Variants in BTBD10 observed in about 807,000 individuals in gnomAD.
The protein encoded by BTBD10 is BTB domain containing 10, also known as BTB/POZ domain-containing protein 10.
A neutral mutation model predicts 53.2 loss-of-function variants in BTBD10; 21 were observed. The ratio of observed to expected loss-of-function variants is 0.39; its 90% confidence interval spans 0.28 to 0.57. The LOEUF (loss-of-function observed/expected upper bound fraction) is 0.57, where lower values mean the gene tolerates loss of function less well. Among genes scored for constraint, BTBD10 ranks in the 20% least tolerant of loss-of-function variants. The pLI is 0.53. For missense variants in BTBD10, 360 were observed against 594.7 expected (o/e 0.61, Z 4.10); for synonymous variants, 149 against 192.7 (o/e 0.77, Z 1.88).
At chr11:13,406,649 G>A (rs889957909) in intron 6 of BTBD10, among the ~76,000 whole-genome samples, 2 of 150,904 alleles carry the variant, frequency 1.3e-5, no homozygotes, top group African/African-American at 4.9e-5. Flanking sequence ...GTTTGTGTGT[G>A]TGTGTTGTAA....
At chr11:13,389,188 T>C (rs748571680) in intron 8 of BTBD10, 47 bp from the exon 9 acceptor site, 1 of 1,518,026 alleles carries the variant, frequency 6.6e-7, no homozygotes, top group African/African-American at 1.4e-5. Flanking sequence ...CACACAGACC[T>C]CTCACCCAAT....
chr11:13,408,529 C>T lies in BTBD10; in HGVS notation c.809-2673G>A, dbSNP rs114081482. Among the ~76,000 whole-genome samples the T allele has an allele frequency of 6.8e-3, 1,035 of 152,308 alleles. 17 individuals carry two copies. The highest frequency in any genetic ancestry group is 0.024 in the African/African-American group (987 of 41,560). On this transcript the variant is annotated intron_variant, in intron 6 of 8. Coordinates refer to ENST00000278174, the MANE Select transcript of BTBD10 (RefSeq NM_032320.7). ...CCACATTTCTCTGCTGAACTTTAGA[C>T]ATGTATACCCAATGCTCCACTTAAC...
chr11:13,408,693 T>G (rs1312594729), intron 6 of BTBD10, among the ~76,000 whole-genome samples: 2 of 152,126 alleles, frequency 1.3e-5, no homozygotes, highest in Non-Finnish European at 2.9e-5. Flanking sequence ...TCCTCTTCTT[T>G]CCACTCCACA....
At chr11:13,426,903 T>C (rs935887855) in intron 2 of BTBD10, among the ~76,000 whole-genome samples, 2 of 152,188 alleles carry the variant, frequency 1.3e-5, no homozygotes, top group African/African-American at 4.8e-5. Context: ...TAAATACAGA[T>C]AGCCTTAGCC....
At chr11:13,440,865 A>G (rs1237772660) in intron 2 of BTBD10, among the ~76,000 whole-genome samples, 2 of 152,216 alleles carry the variant, frequency 1.3e-5, no homozygotes, top group Non-Finnish European at 2.9e-5. Context: ...ACCTTCTTAT[A>G]CAGAAAAAGT....
chr11:13,451,226 A>T (rs1176130359), intron 1 of BTBD10, among the ~76,000 whole-genome samples: 2 of 152,154 alleles, frequency 1.3e-5, no homozygotes, highest in Admixed American at 6.5e-5. Context: ...GACCATAGAG[A>T]ACTCTGCCCT....
Position 13,419,514 on chromosome 11 carries a change from C to T in BTBD10, c.530G>A (p.Arg177Lys). 1 of 1,613,958 alleles carries T rather than the reference C, an allele frequency of 6.2e-7. No homozygotes were observed. Among genetic ancestry groups the T allele is most frequent in the East Asian group, 2.2e-5 (1 of 44,882 alleles). ...AAAAATGGATGGGTCTACAACAAAT[C>T]TAGTGTTATCCACTATTAGTGTCAC... Reference protein sequence around the residue: ...ERVTLIVDNTRFVVDPSIFTA... With the variant: ...ERVTLIVDNTKFVVDPSIFTA... Residue 177 changes from arginine to lysine, a missense_variant, in exon 4 of 9, where the codon AGA becomes AAA. Arg to Lys is a conservative substitution (Grantham distance 26). This residue lies in a region of BTBD10 where 91 missense variants were observed against 171.7 expected (regional missense o/e 0.53). Coordinates refer to ENST00000278174, the MANE Select transcript of BTBD10 (RefSeq NM_032320.7).
chr11:13,427,218 A>AAT (rs1555025778), intron 2 of BTBD10, among the ~76,000 whole-genome samples: 1 of 151,434 alleles, frequency 6.6e-6, no homozygotes, highest in Non-Finnish European at 1.5e-5. Flanking sequence ...CCCTGTCTTA[A>AAT]AATAATAATA....
chr11:13,409,449 CAGAGT>C lies in BTBD10; in HGVS notation c.809-3598_809-3594del, dbSNP rs1284406559. Among the ~76,000 whole-genome samples the C allele has an allele frequency of 4.6e-5, 7 of 152,300 alleles. 1 individual carries two copies. The Middle Eastern group carries it at 0.01, about 222-fold the overall frequency. ...CCAAAACTTAGAACAGTGCTTAGTA[CAGAGT>C]AGAGTCATTAAATATTTGTTTAATT... is the stretch of plus-strand genomic sequence containing the variant. On this transcript the variant is annotated intron_variant, in intron 6 of 8. Coordinates refer to ENST00000278174, the MANE Select transcript of BTBD10 (RefSeq NM_032320.7).
chr11:13,405,375 A>G, intron 7 of BTBD10: 1 of 242,012 alleles, frequency 4.1e-6, no homozygotes, highest in Non-Finnish European at 7.9e-6. Context: ...AGAGTCAACA[A>G]ATAACTAACC....
At chr11:13,419,405 A>C (rs1017732288) in intron 4 of BTBD10, 55 bp downstream of exon 4, 7 of 1,566,538 alleles carry the variant, frequency 4.5e-6, no homozygotes, top group Admixed American at 2.0e-5. Context: ...CAAAAAAATA[A>C]TGGCAGTAAA....
chr11:13,441,313 C>CA (rs1331256330), intron 2 of BTBD10, among the ~76,000 whole-genome samples: 1 of 151,808 alleles, frequency 6.6e-6, no homozygotes, highest in African/African-American at 2.4e-5. Flanking sequence ...ATTCCCAACA[C>CA]AAAAAAAGAT....
intron 6 of BTBD10, among the ~76,000 whole-genome samples, chr11:13,409,530 T>C (rs1474778853): frequency 6.6e-6 from 1 of 152,162 alleles, no homozygotes; most frequent in Non-Finnish European, 1.5e-5. Context: ...TCACCACTCA[T>C]ATTCCATCCC....
rs181129817 is a variant in BTBD10 at position 13,420,528 on chromosome 11, C to T, written c.299-783G>A. On this transcript the variant is annotated intron_variant, in intron 3 of 8. Coordinates refer to ENST00000278174, the MANE Select transcript of BTBD10 (RefSeq NM_032320.7). ...TAGTCTACAAAAGAAAAATAAAAAC[C>T]AAGATTTTGTGATATATTTCATTTA... Among the ~76,000 whole-genome samples, 4 of 151,836 alleles carry T rather than the reference C, an allele frequency of 2.6e-5. No individual in the cohort carries two copies. In the East Asian group the frequency reaches 7.7e-4, roughly 29 times the overall value.
intron 6 of BTBD10, among the ~76,000 whole-genome samples, chr11:13,406,299 C>A (rs879472676): frequency 1.1e-4 from 17 of 152,124 alleles, no homozygotes; most frequent in Admixed American, 3.3e-4. Context: ...CAACATGATG[C>A]AGGAATTCCA....
intron 7 of BTBD10, 185 bp downstream of exon 7, chr11:13,405,474 A>T (rs1949803607): frequency 1.6e-6 from 1 of 611,636 alleles, no homozygotes; most frequent in East Asian, 2.8e-5. Flanking sequence ...AGTTTCTGTT[A>T]CAACTACTCA....
intron 2 of BTBD10, among the ~76,000 whole-genome samples, chr11:13,437,582 A>T (rs1591155478): frequency 1.3e-5 from 2 of 152,188 alleles, no homozygotes; most frequent in South Asian, 2.1e-4. Flanking sequence ...TTGTTCCCCC[A>T]CTTTACTCTC....
chr11:13,450,632 T>C (rs952907235), intron 1 of BTBD10, among the ~76,000 whole-genome samples: 1 of 152,158 alleles, frequency 6.6e-6, no homozygotes, highest in East Asian at 1.9e-4. Flanking sequence ...GACAGAGAAC[T>C]GAACAGTCAT....
chr11:13,450,960 G>GT (rs1950845614), intron 1 of BTBD10, among the ~76,000 whole-genome samples: 1 of 152,292 alleles, frequency 6.6e-6, no homozygotes, highest in East Asian at 1.9e-4. Context: ...TCAGTTTGAA[G>GT]TTTTTTTGCT....
Sources: allele counts gnomAD v4.1 joint callset (sites outside exome capture counted in the v4.1 genomes callset), GRCh38; gene constraint gnomAD v4.1.1; regional missense constraint gnomAD v4.1.1; transcripts MANE v1.5; gene names NCBI Gene and HGNC (gene_info 2026-07-23, HGNC 2026-07-21).